Variants in SYCP2 observed in about 807,000 individuals in gnomAD.
SYCP2 encodes synaptonemal complex protein 2, also known as synaptonemal complex lateral element protein.
A neutral mutation model predicts 211.3 loss-of-function variants in SYCP2; 55 were observed. That is an observed-to-expected ratio of 0.26 (90% CI 0.21 to 0.33). SYCP2 has a LOEUF of 0.33. SYCP2 is among the 10% of genes least tolerant of loss of function. SYCP2 has a pLI of 1.00. For missense variants in SYCP2, 1,731 were observed against 1,752.0 expected, an observed-to-expected ratio of 0.99 and a Z score of 0.21; for synonymous variants, 570 against 555.2, an observed-to-expected ratio of 1.03 and a Z score of -0.37.
chr20:59,908,753 A>AT (rs1159507346), intron 14 of SYCP2, among the ~76,000 whole-genome samples: 1 of 151,882 alleles, frequency 6.6e-6, no homozygotes, highest in Non-Finnish European at 1.5e-5. Context: ...ATTTTGTTCC[A>AT]TTTTCACCTC....
At position 59,896,509 on chromosome 20, in the gene SYCP2, C is replaced by G. The variant is rs1324271767; in HGVS notation, c.1424G>C (p.Arg475Thr). 6.2e-7 allele frequency: 1 copy of G among 1,608,642 alleles called. No homozygotes were observed. The highest frequency in any genetic ancestry group is 8.5e-7 in the Non-Finnish European group (1 of 1,176,334). Reference protein sequence around the residue: ...SQLEKTTPSKRKMSEASMIVS... With the variant: ...SQLEKTTPSKTKMSEASMIVS... Reference sequence around the variant, plus strand: ...AATCATTGATGCTTCAGACATTTTTCTTTTGCTAGGAGTAGTTTTCTGAAA... The same window carrying G: ...AATCATTGATGCTTCAGACATTTTTGTTTTGCTAGGAGTAGTTTTCTGAAA... Residue 475 changes from arginine to threonine, a missense_variant, in exon 19 of 45, where the codon AGA (arginine) becomes ACA (threonine). Arg to Thr is a moderately conservative substitution (Grantham distance 71). Around this residue, in one of 3 missense-constraint regions of SYCP2, gnomAD observed 1,387 missense variants for 1,351.3 expected, o/e 1.03. Coordinates refer to ENST00000357552, the MANE Select transcript of SYCP2 (RefSeq NM_014258.4).
rs2059531079 is a variant in SYCP2 at position 59,875,150 on chromosome 20, G to A, written c.3349+121C>T. The A allele has an allele frequency of 1.1e-5, 7 of 620,704 alleles. No homozygotes were observed. The South Asian group carries it at 1.7e-4, about 15-fold the overall frequency. 38.4% of individuals were successfully genotyped at this position (620,704 alleles called of 1,614,324 possible). ...TAGCATTAATTAGCTTAACAATGAAGTTTTAACTACTATAATTATAAATAC... is the reference window on the plus strand; with the variant it reads ...TAGCATTAATTAGCTTAACAATGAAATTTTAACTACTATAATTATAAATAC... On this transcript the variant is annotated intron_variant, in intron 34 of 44. Coordinates refer to ENST00000357552, the MANE Select transcript of SYCP2 (RefSeq NM_014258.4).
Position 59,865,604 on chromosome 20 carries a change from G to A in SYCP2, c.4427C>T (p.Thr1476Ile), listed in dbSNP as rs1160456520. 1 of 1,605,204 alleles carries A rather than the reference G, an allele frequency of 6.2e-7. No individual in the cohort carries two copies. Among genetic ancestry groups the A allele is most frequent in the Non-Finnish European group, 8.5e-7 (1 of 1,176,464 alleles). ...TGTAAAAACAGTTTCTTCACTATCA[G>A]TATTACAGAAGACACTTTTAGCCAA... Reference protein sequence around the residue: ...TSLAKSVFCNTDSEETVFTSE... With the variant: ...TSLAKSVFCNIDSEETVFTSE... The change falls in exon 43 of 45, where the codon ACT (threonine) becomes ATT (isoleucine). Residue 1476 changes from threonine to isoleucine, a missense_variant. By Grantham distance (89) the Thr-to-Ile change is moderately conservative. Around this residue, in one of 3 missense-constraint regions of SYCP2, gnomAD observed 1,387 missense variants for 1,351.3 expected, o/e 1.03. Transcript: ENST00000357552.
intron 26 of SYCP2, chr20:59,885,034 A>C (rs1402386765): frequency 6.6e-6 from 1 of 152,040 alleles, no homozygotes; most frequent in Admixed American, 6.6e-5. Flanking sequence ...AGGGTGAGAG[A>C]GCCTACTGAC....
At chr20:59,874,995 T>C (rs2059527314) in intron 34 of SYCP2, among the ~76,000 whole-genome samples, 1 of 151,988 alleles carries the variant, frequency 6.6e-6, no homozygotes, top group Admixed American at 6.6e-5. Flanking sequence ...TAAGTACTTT[T>C]TTAAGATTAA....
At chr20:59,891,889 A>T in intron 24 of SYCP2, 101 bp downstream of exon 24, 1 of 1,022,774 alleles carries the variant, frequency 9.8e-7, no homozygotes, top group Non-Finnish European at 1.4e-6. Flanking sequence ...AAGGTATTAC[A>T]CATGTTAAAT....
chr20:59,885,497 A>G (rs1365693978), intron 26 of SYCP2, among the ~76,000 whole-genome samples: 1 of 152,154 alleles, frequency 6.6e-6, no homozygotes, highest in Non-Finnish European at 1.5e-5. Flanking sequence ...TATTAAGTGG[A>G]CACAGAGAGC....
chr20:59,923,694 T>A (rs573312974), intron 2 of SYCP2, among the ~76,000 whole-genome samples: 1 of 144,850 alleles, frequency 6.9e-6, no homozygotes, highest in African/African-American at 2.9e-5. Context: ...AGAGGGAGAC[T>A]CTGTCTCTAA....
intron 24 of SYCP2, among the ~76,000 whole-genome samples, chr20:59,891,524 C>G (rs1441438099): frequency 2.6e-5 from 4 of 151,708 alleles, no homozygotes; most frequent in Admixed American, 2.6e-4. Context: ...AAAACCTTGT[C>G]AAGGTTAAAT....
intron 30 of SYCP2, among the ~76,000 whole-genome samples, chr20:59,880,674 G>A (rs1465937044): frequency 6.6e-6 from 1 of 151,620 alleles, no homozygotes; most frequent in East Asian, 1.9e-4. Context: ...ATCAGATAAT[G>A]ATATTTGTAT....
intron 4 of SYCP2, 119 bp from the exon 5 acceptor site, chr20:59,920,606 T>C (rs1167359972): frequency 7.3e-6 from 6 of 818,176 alleles, no homozygotes; most frequent in Non-Finnish European, 1.2e-5. Flanking sequence ...ATGGTCATTT[T>C]AATCATCTCT....
At chr20:59,894,345 T>C (rs1460320051) in intron 20 of SYCP2, among the ~76,000 whole-genome samples, 1 of 152,010 alleles carries the variant, frequency 6.6e-6, no homozygotes, top group East Asian at 1.9e-4. Flanking sequence ...AGGATGCTTA[T>C]CATCCTACAA....
chr20:59,867,453 G>GT (rs1198767014), intron 39 of SYCP2, among the ~76,000 whole-genome samples: 8 of 125,314 alleles, frequency 6.4e-5, no homozygotes, highest in Non-Finnish European at 1.0e-4. Context: ...AAACTGTCCA[G>GT]TAAAAAAAAA....
In SYCP2 at chr20:59,880,392, A is replaced by C; in HGVS notation, c.2852T>G (p.Ile951Ser). Residue 951 changes from isoleucine to serine, a missense_variant, in exon 31 of 45, where the codon ATT (isoleucine) becomes AGT (serine). By Grantham distance (142) the Ile-to-Ser change is moderately radical. Transcript: ENST00000357552. The stretch of plus-strand genomic sequence containing the variant: ...TGATTTCGGTTCTCTTAGCCAGCTA[A>C]TATCAGTCTTGCTGTCATCACATCT... The part of the protein sequence containing the change: ...EYRCDDSKTD[I>S]SWLREPKSKP... The C allele has an allele frequency of 6.2e-7, 1 of 1,602,428 alleles. No homozygotes were observed. The highest frequency in any genetic ancestry group is 8.5e-7 in the Non-Finnish European group (1 of 1,172,066).
intron 28 of SYCP2, 35 bp downstream of exon 28, chr20:59,881,910 G>C (rs779785766): frequency 4.5e-6 from 7 of 1,541,116 alleles, no homozygotes; most frequent in South Asian, 4.5e-5. Flanking sequence ...TGTAACTTCT[G>C]AGTAAATACA....
chr20:59,875,666 C>A (rs907044486), intron 33 of SYCP2, among the ~76,000 whole-genome samples, 197 bp from the exon 34 acceptor site: 1 of 152,032 alleles, frequency 6.6e-6, no homozygotes, highest in Non-Finnish European at 1.5e-5. Flanking sequence ...GAATATAATA[C>A]ATTTACTATA....
rs2060675380 is a variant in SYCP2, at chr20:59,928,540, G to T, written c.-47+3522C>A. Among the ~76,000 whole-genome samples the T allele has an allele frequency of 4.6e-5, 7 of 152,090 alleles. No homozygotes were observed. The South Asian group carries it at 1.2e-3, about 27-fold the overall frequency. ...CTAAAATAACTTTTAAAATATTAGAGAAGAAAAATCACCTTATTTGATATT... is the reference window on the plus strand; with the variant it reads ...CTAAAATAACTTTTAAAATATTAGATAAGAAAAATCACCTTATTTGATATT... On this transcript the variant is annotated intron_variant, in intron 2 of 44. Coordinates refer to ENST00000357552, the MANE Select transcript of SYCP2 (RefSeq NM_014258.4).
intron 14 of SYCP2, among the ~76,000 whole-genome samples, chr20:59,910,072 T>A (rs770738195): frequency 1.3e-5 from 2 of 152,022 alleles, no homozygotes; most frequent in Non-Finnish European, 2.9e-5. Flanking sequence ...ATAGAAAATA[T>A]ATGAAATATC....
chr20:59,874,920 C>T (rs1418817833), intron 34 of SYCP2, among the ~76,000 whole-genome samples: 1 of 151,800 alleles, frequency 6.6e-6, no homozygotes, highest in Non-Finnish European at 1.5e-5. Context: ...ATAGAAAAAA[C>T]AGAATTCTCC....
Sources: allele counts gnomAD v4.1 joint callset (sites outside exome capture counted in the v4.1 genomes callset), GRCh38; gene constraint gnomAD v4.1.1; regional missense constraint gnomAD v4.1.1; transcripts MANE v1.5; gene names NCBI Gene and HGNC (gene_info 2026-07-23, HGNC 2026-07-21).